The following ZNF33A variants were observed in gnomAD, a reference collection of about 807,000 sequenced individuals.
ZNF33A encodes brain my041 protein.
ZNF33A carries 9 observed loss-of-function variants against 15.9 expected under a neutral mutation model. The ratio of observed to expected loss-of-function variants is 0.57; its 90% CI spans 0.34 to 0.99. ZNF33A has a LOEUF of 0.99. Ranked by LOEUF, ZNF33A falls within the 50% of genes least tolerant of loss-of-function variation. The pLI is 0.02. For missense variants in ZNF33A, 843 were observed against 941.6 expected, an observed-to-expected ratio of 0.90 and a Z score of 1.37; for synonymous variants, 294 against 324.2, an observed-to-expected ratio of 0.91 and a Z score of 1.00.
intron 4 of ZNF33A, among the ~76,000 whole-genome samples, chr10:38,051,932 C>T (rs771647656): frequency 6.6e-6 from 1 of 152,014 alleles, no homozygotes; most frequent in Non-Finnish European, 1.5e-5. Context: ...ATTTAGCATC[C>T]ATTTCTGATT....
intron 4 of ZNF33A, among the ~76,000 whole-genome samples, chr10:38,046,746 G>C (rs147539161): frequency 1.3e-5 from 2 of 152,040 alleles, no homozygotes; most frequent in Admixed American, 1.3e-4. Flanking sequence ...ATTGAAAATA[G>C]TATTATAATT....
intron 4 of ZNF33A, among the ~76,000 whole-genome samples, chr10:38,032,782 C>G (rs989915365): frequency 3.3e-5 from 5 of 151,886 alleles, no homozygotes; most frequent in African/African-American, 1.2e-4. Context: ...GAATCTTACT[C>G]TGTCGCTCAG....
At chr10:38,064,089 C>G (rs771438208), downstream of ZNF33A, 1 of 1,597,408 alleles carries the variant, frequency 6.3e-7, no homozygotes, top group Non-Finnish European at 8.5e-7. Context: ...CCCTCCCAGG[C>G]CCCTGAGATG....
chr10:38,056,913 C>T lies in ZNF33A; in HGVS notation c.*353C>T. ...TAGATGTATATTGTGGAATGTAAAG[C>T]TTTAAGAACTTAAACAAAGGTAATA... On this transcript the variant is annotated 3_prime_UTR_variant, in exon 5 of 5. Transcript: ENST00000432900. 3 of 965,736 alleles carry T rather than the reference C, an allele frequency of 3.1e-6. No individual in the cohort carries two copies. Among genetic ancestry groups the T allele is most frequent in the Non-Finnish European group, 3.7e-6 (3 of 807,232 alleles). The allele number at this position is 965,736 out of a possible 1,614,324, so 59.8% of individuals were successfully genotyped here. A position where few individuals can be genotyped will look rare whatever the true frequency, so the allele number is the denominator to read the frequency against.
At chr10:38,050,320 C>G (rs1486417438) in intron 4 of ZNF33A, among the ~76,000 whole-genome samples, 1 of 152,168 alleles carries the variant, frequency 6.6e-6, no homozygotes, top group South Asian at 2.1e-4. Context: ...TGGTTAATCC[C>G]TGGCAGGCTT....
At chr10:38,049,610 C>T (rs945598250) in intron 4 of ZNF33A, among the ~76,000 whole-genome samples, 1 of 151,872 alleles carries the variant, frequency 6.6e-6, no homozygotes, top group Non-Finnish European at 1.5e-5. Flanking sequence ...ATGTATATAT[C>T]TAATATACAC....
rs780311197 is a variant in ZNF33A at position 38,055,438 on chromosome 10, G to A, written c.1314G>A (p.Leu438=). The change falls in exon 5 of 5, where the codon CTG becomes CTA. Residue 438 remains leucine, a synonymous_variant. Transcript: ENST00000432900. ...LTKHQRTHTG[L]KPYECYECGK... is the part of the protein sequence containing the mutation. ...AACATCAGAGAACACACACAGGGCT[G>A]AAACCCTATGAATGTTATGAATGTG... The A allele has an allele frequency of 6.2e-7, 1 of 1,614,042 alleles. No individual in the cohort carries two copies. Among genetic ancestry groups the A allele is most frequent in the South Asian group, 1.1e-5 (1 of 91,084 alleles).
rs2064488161 is a variant in ZNF33A, at chr10:38,017,083, C to T, written c.154+68C>T. The T allele has an allele frequency of 2.6e-6, 4 of 1,556,504 alleles. No homozygotes were observed. The Admixed American group carries it at 5.9e-5, about 23-fold the overall frequency. The stretch of plus-strand genomic sequence containing the variant: ...TTCTTTTGATTATGAAGCGTATGGG[C>T]AGTCTGTATAGTTTAATGATATTTA... On this transcript the variant is annotated intron_variant, in intron 3 of 4. Coordinates refer to ENST00000432900, the MANE Select transcript of ZNF33A (RefSeq NM_006954.2).
intron 4 of ZNF33A, among the ~76,000 whole-genome samples, chr10:38,024,163 C>CCAAAAAAAAAAAAAAA (rs1554902706): frequency 2.1e-5 from 2 of 93,204 alleles, no homozygotes; most frequent in Non-Finnish European, 4.1e-5. Context: ...AAAAACAAAA[C>CCAAAAAAAAAAAAAAA]AAAAAAAAAA....
At chr10:38,035,434 T>C (rs1266331876) in intron 4 of ZNF33A, among the ~76,000 whole-genome samples, 1 of 152,140 alleles carries the variant, frequency 6.6e-6, no homozygotes, top group Non-Finnish European at 1.5e-5. Context: ...TTACTTTCAT[T>C]ATTCTTTCCC....
chr10:38,010,640 G>C, upstream of ZNF33A: 1 of 1,447,048 alleles, frequency 6.9e-7, no homozygotes. Flanking sequence ...GTGCGCGTGG[G>C]CTCTGCGCAT....
At chr10:38,039,449 A>G (rs2065600208) in intron 4 of ZNF33A, 1 of 453,196 alleles carries the variant, frequency 2.2e-6, no homozygotes, top group Admixed American at 2.4e-5. Context: ...CTGGTCTTAA[A>G]CTCCTGAGTT....
At chr10:38,062,752 C>T (rs1225843549), downstream of ZNF33A, among the ~76,000 whole-genome samples, 1 of 151,584 alleles carries the variant, frequency 6.6e-6, no homozygotes, top group Non-Finnish European at 1.5e-5. Context: ...ACCTGTAATC[C>T]CAGCACTCTG....
chr10:38,017,212 C>T lies in ZNF33A; in HGVS notation c.155-79C>T, dbSNP rs1590462735. ...ATGTTCCACTGGCAACTCGAAGCAGCCCCAGAAGCTTCTTCCTGCTTCAAA... is the reference window on the plus strand; with the variant it reads ...ATGTTCCACTGGCAACTCGAAGCAGTCCCAGAAGCTTCTTCCTGCTTCAAA... On this transcript the variant is annotated intron_variant, in intron 3 of 4. Coordinates refer to ENST00000432900, the MANE Select transcript of ZNF33A (RefSeq NM_006954.2). The T allele has an allele frequency of 2.6e-5, 38 of 1,442,560 alleles. No individual in the cohort carries two copies. In the East Asian group the frequency reaches 8.4e-4, roughly 32 times the overall value. The allele number at this position is 1,442,560 out of a possible 1,614,324, so 89.4% of individuals were successfully genotyped here.
At chr10:38,062,051 G>A (rs756161344), downstream of ZNF33A, among the ~76,000 whole-genome samples, 19 of 152,168 alleles carry the variant, frequency 1.2e-4, no homozygotes, top group Non-Finnish European at 2.5e-4. Flanking sequence ...AAGGTCATGA[G>A]AGCTCTACCT....
At chr10:38,044,211 T>TC (rs2065848300) in intron 4 of ZNF33A, among the ~76,000 whole-genome samples, 2 of 149,154 alleles carry the variant, frequency 1.3e-5, no homozygotes, top group African/African-American at 2.4e-5. Flanking sequence ...TTTCTTTCTT[T>TC]TTTTTTTTTT....
At chr10:38,061,931 TG>T (rs2066659328), downstream of ZNF33A, among the ~76,000 whole-genome samples, 1 of 152,116 alleles carries the variant, frequency 6.6e-6, no homozygotes, top group Admixed American at 6.5e-5. Context: ...CACTCCAGCT[TG>T]GGCAAGAGAG....
chr10:38,055,753 T>G lies in ZNF33A; in HGVS notation c.1629T>G (p.His543Gln). The G allele has an allele frequency of 6.2e-7, 1 of 1,612,680 alleles. No individual in the cohort carries two copies. Among genetic ancestry groups the G allele is most frequent in the Non-Finnish European group, 8.5e-7 (1 of 1,179,042 alleles). The change falls in exon 5 of 5, where the codon CAT becomes CAG. Residue 543 changes from histidine to glutamine, a missense_variant. Transcript: ENST00000432900. ...GCTTGAAGTCAGACCTCACAGTACA[T>G]CAGAGAACACACACAGGGCAGAAAC... ...TFCLKSDLTVHQRTHTGQKPF... is the reference protein window; with the variant it reads ...TFCLKSDLTVQQRTHTGQKPF...
rs2066586945 is a variant in ZNF33A at position 38,058,733 on chromosome 10, T to C, written c.*2173T>C. On this transcript the variant is annotated 3_prime_UTR_variant, in exon 5 of 5. Transcript: ENST00000432900. ...TTGCAGTGAGCTGAGATTGTGCCAC[T>C]GTACTGCAGCCTGGGTGACAGAATG... 1 of 152,198 alleles carries C rather than the reference T, an allele frequency of 6.6e-6. No homozygotes were observed. Among genetic ancestry groups the C allele is most frequent in the Non-Finnish European group, 1.5e-5 (1 of 68,054 alleles). 9.4% of individuals were successfully genotyped at this position (152,198 alleles called of 1,614,324 possible).
Sources: gnomAD v4.1 joint callset for allele counts (sites outside exome capture counted in the v4.1 genomes callset) on GRCh38, gnomAD v4.1.1 for gene constraint, MANE v1.5 for transcripts, NCBI Gene and HGNC (gene_info 2026-07-23, HGNC 2026-07-21) for gene names.